Variants in TPO observed in about 807,000 individuals in gnomAD.
The protein encoded by TPO is thyroid peroxidase, also known as thyroid microsomal antigen.
A neutral mutation model predicts 96.9 loss-of-function variants in TPO; 78 were observed. The observed-to-expected ratio is 0.81, with a 90% CI of 0.67 to 0.97. The LOEUF (loss-of-function observed/expected upper bound fraction) is 0.97. Ranked by LOEUF, TPO falls within the 50% of genes least tolerant of loss-of-function variation. The pLI, the probability that TPO is intolerant of heterozygous loss-of-function variation, is 0.00. For synonymous variants in TPO, 547 were observed against 538.0 expected, an observed-to-expected ratio of 1.02 and a Z score of -0.23; for missense variants, 1,252 against 1,274.8, an observed-to-expected ratio of 0.98 and a Z score of 0.27.
intron 7 of TPO, among the ~76,000 whole-genome samples, chr2:1,459,750 T>C (rs947284787): frequency 2.6e-5 from 4 of 152,098 alleles, no homozygotes; most frequent in Non-Finnish European, 4.4e-5. Flanking sequence ...CCATAAAGAC[T>C]GTGTCAATCA....
chr2:1,528,763 T>C (rs1573579212), intron 15 of TPO, among the ~76,000 whole-genome samples: 1 of 65,364 alleles, frequency 1.5e-5, no homozygotes, highest in African/African-American at 7.5e-5. Context: ...GTGTGCAGCC[T>C]CCTCAAATCC....
At position 1,484,834 on chromosome 2, in the gene TPO, C is replaced by T. The variant is rs1670976859; in HGVS notation, c.1577C>T (p.Pro526Leu). The T allele has an allele frequency of 1.2e-6, 2 of 1,613,860 alleles. No individual in the cohort carries two copies. Among genetic ancestry groups the T allele is most frequent in the Non-Finnish European group, 1.7e-6 (2 of 1,180,060 alleles). ...TGGCTGCACCAGGCTTTCTTCAGCC[C>T]ATGGACATTACTCCGTGGAGGTGAG... is the stretch of plus-strand genomic sequence containing the variant. ...GLWLHQAFFS[P>L]WTLLRGGGLD... The change falls in exon 9 of 17, where the codon CCA (proline) becomes CTA (leucine). Residue 526 changes from proline to leucine, a missense_variant. Coordinates refer to ENST00000329066, the MANE Select transcript of TPO (RefSeq NM_001206744.2).
chr2:1,489,983 G>A (rs55675951), intron 10 of TPO, among the ~76,000 whole-genome samples: 19,907 of 108,160 alleles, frequency 0.18, 1,001 homozygotes, highest in Admixed American at 0.23. Context: ...CCCACACAGG[G>A]GGAGTCACGA....
At chr2:1,392,681 T>A (rs1662021147) in intron 1 of TPO, among the ~76,000 whole-genome samples, 1 of 152,198 alleles carries the variant, frequency 6.6e-6, no homozygotes, top group Non-Finnish European at 1.5e-5. Flanking sequence ...AGCCTGTTAT[T>A]GGTCTGTTCG....
At chr2:1,510,092 A>T (rs1673938760) in intron 14 of TPO, among the ~76,000 whole-genome samples, 1 of 152,228 alleles carries the variant, frequency 6.6e-6, no homozygotes, top group Admixed American at 6.5e-5. Flanking sequence ...CATATGAAAT[A>T]GTATCCTCTC....
rs770789444 is a variant in TPO, at chr2:1,477,269, G to A, written c.1003G>A (p.Ala335Thr). 3.1e-6 allele frequency: 5 copies of A among 1,603,276 alleles called. No homozygotes were observed. In the South Asian group the frequency reaches 5.6e-5, roughly 18 times the overall value. ...DASTVYGSSP[A>T]LERQLRNWTS... ...GTCCACCGTGTATGGCAGCTCCCCG[G>A]CCCTAGAGAGGCAGCTGCGGAACTG... is the stretch of plus-strand genomic sequence containing the variant. The change falls in exon 8 of 17, where the codon GCC becomes ACC. Residue 335 changes from alanine (A) to threonine (T), a missense_variant. By Grantham distance (58) the Ala-to-Thr change is moderately conservative. Transcript: ENST00000329066.
At chr2:1,418,095 C>T (rs1663112386) in intron 2 of TPO, among the ~76,000 whole-genome samples, 1 of 152,118 alleles carries the variant, frequency 6.6e-6, no homozygotes, top group South Asian at 2.1e-4. Context: ...CCAGCCTGAC[C>T]AACATGGCAA....
intron 4 of TPO, 94 bp from the exon 5 acceptor site, chr2:1,436,158 A>G (rs1665547264): frequency 6.3e-7 from 1 of 1,598,350 alleles, no homozygotes; most frequent in Non-Finnish European, 8.5e-7. Flanking sequence ...TCCCAAATTC[A>G]GATGCTGGAG....
intron 1 of TPO, among the ~76,000 whole-genome samples, chr2:1,389,994 G>C (rs1267967806): frequency 6.6e-6 from 1 of 151,310 alleles, no homozygotes; most frequent in Non-Finnish European, 1.5e-5. Flanking sequence ...GCATACAAGA[G>C]GTTAAGTGGT....
chr2:1,375,578 G>C (rs369230573), intron 1 of TPO, among the ~76,000 whole-genome samples: 1 of 152,038 alleles, frequency 6.6e-6, no homozygotes, highest in Admixed American at 6.6e-5. Flanking sequence ...GTGAATCCAC[G>C]TTTTACACAC....
At chr2:1,486,838 G>A (rs575387556) in intron 9 of TPO, among the ~76,000 whole-genome samples, 10 of 152,310 alleles carry the variant, frequency 6.6e-5, no homozygotes, top group African/African-American at 2.2e-4. Flanking sequence ...TGCGTCCGGC[G>A]ATACCTGCTT....
intron 3 of TPO, among the ~76,000 whole-genome samples, chr2:1,430,428 G>A (rs1007023836): frequency 6.6e-6 from 1 of 152,240 alleles, no homozygotes; most frequent in African/African-American, 2.4e-5. Context: ...TACTTCAGGG[G>A]CAAAGCCCTC....
intron 7 of TPO, among the ~76,000 whole-genome samples, chr2:1,467,773 C>T (rs1473078716): frequency 6.6e-6 from 1 of 151,650 alleles, no homozygotes; most frequent in Non-Finnish European, 1.5e-5. Flanking sequence ...CTGTCTAGTG[C>T]TGTCAGTGGA....
intron 15 of TPO, among the ~76,000 whole-genome samples, chr2:1,523,220 A>C (rs1401525682): frequency 7.1e-5 from 1 of 14,046 alleles, no homozygotes; most frequent in African/African-American, 3.1e-4. Context: ...AAATCCCCCC[A>C]CTTTGAGCAA....
At chr2:1,482,086 A>T (rs143163639) in intron 8 of TPO, among the ~76,000 whole-genome samples, 4 of 152,170 alleles carry the variant, frequency 2.6e-5, no homozygotes, top group Non-Finnish European at 5.9e-5. Flanking sequence ...GAAAATGCTG[A>T]GTGATGTTCT....
intron 15 of TPO, among the ~76,000 whole-genome samples, chr2:1,527,589 A>G (rs1676885799): frequency 6.8e-6 from 1 of 147,014 alleles, no homozygotes; most frequent in South Asian, 2.2e-4. Context: ...ACCTCCTCAC[A>G]TCCCCACCAC....
At chr2:1,530,093 C>G (rs867087194) in intron 15 of TPO, among the ~76,000 whole-genome samples, 3,124 of 139,774 alleles carry the variant, frequency 0.022, 118 homozygotes, top group South Asian at 0.062. Flanking sequence ...TCAAATCCCC[C>G]CACTGTTTGC....
At chr2:1,376,511 G>A (rs978446976) in intron 1 of TPO, among the ~76,000 whole-genome samples, 2 of 152,170 alleles carry the variant, frequency 1.3e-5, no homozygotes, top group East Asian at 1.9e-4. Flanking sequence ...AACATCACCC[G>A]TGGTGATTAC....
intron 1 of TPO, among the ~76,000 whole-genome samples, chr2:1,393,677 G>A (rs528097438): frequency 3.3e-5 from 5 of 152,232 alleles, no homozygotes; most frequent in Admixed American, 3.3e-4. Flanking sequence ...AAATACAACA[G>A]AATAGATATA....
Sources: allele counts gnomAD v4.1 joint callset (sites outside exome capture counted in the v4.1 genomes callset), GRCh38; gene constraint gnomAD v4.1.1; transcripts MANE v1.5; gene names NCBI Gene and HGNC (gene_info 2026-07-23, HGNC 2026-07-21).